Variants in RNF121 observed in about 807,000 individuals in gnomAD.
The protein encoded by RNF121 is E3 ubiquitin ligase RNF121.
A neutral mutation model predicts 46.5 loss-of-function variants in RNF121; 21 were observed. The ratio of observed to expected loss-of-function variants is 0.45; its 90% CI spans 0.32 to 0.65. The LOEUF (loss-of-function observed/expected upper bound fraction) is 0.65. Ranked by LOEUF, RNF121 falls within the 30% of genes least tolerant of loss-of-function variation. The pLI is 0.04. For missense variants in RNF121, 346 were observed against 416.0 expected (o/e 0.83, Z 1.46); for synonymous variants, 139 against 144.7 (o/e 0.96, Z 0.28).
intron 3 of RNF121, among the ~76,000 whole-genome samples, chr11:71,970,597 C>T (rs3887002): frequency 0.016 from 2,454 of 151,834 alleles, 69 homozygotes; most frequent in African/African-American, 0.056. Context: ...AGGAGTTTAA[C>T]GCTTCAGTAA....
chr11:71,959,824 C>T (rs542384325), intron 2 of RNF121, among the ~76,000 whole-genome samples: 3 of 152,090 alleles, frequency 2.0e-5, no homozygotes, highest in East Asian at 1.9e-4. Context: ...TTAGTAGAGA[C>T]GGGGTTTCGC....
intron 1 of RNF121, 79 bp from the exon 2 acceptor site, chr11:71,957,148 G>A: frequency 2.2e-6 from 2 of 912,460 alleles, no homozygotes; most frequent in Admixed American, 1.7e-5. Flanking sequence ...TGAAGATACT[G>A]ATAAATGTGT....
At chr11:71,996,088 C>A in intron 8 of RNF121, 107 bp from the exon 9 acceptor site, 1 of 1,370,688 alleles carries the variant, frequency 7.3e-7, no homozygotes, top group Non-Finnish European at 1.0e-6. Context: ...TTCCTCTAGG[C>A]TGTGGAGCAG....
At chr11:71,935,098 T>C (rs1209271374) in intron 1 of RNF121, among the ~76,000 whole-genome samples, 1 of 152,042 alleles carries the variant, frequency 6.6e-6, no homozygotes, top group Non-Finnish European at 1.5e-5. Flanking sequence ...TGCACCACCA[T>C]GCCTGGCTAA....
At chr11:71,936,654 A>G (rs1565138117) in intron 1 of RNF121, among the ~76,000 whole-genome samples, 1 of 152,100 alleles carries the variant, frequency 6.6e-6, no homozygotes, top group Non-Finnish European at 1.5e-5. Flanking sequence ...TCGGCCTCCC[A>G]AAGTGCTGAG....
At chr11:71,995,691 G>A in intron 8 of RNF121, 140 bp downstream of exon 8, 1 of 673,442 alleles carries the variant, frequency 1.5e-6, no homozygotes. Context: ...AAGCTGAGCT[G>A]CTAGTCCTGC....
intron 1 of RNF121, among the ~76,000 whole-genome samples, chr11:71,940,818 C>T (rs1953550970): frequency 6.6e-6 from 1 of 152,140 alleles, no homozygotes; most frequent in Non-Finnish European, 1.5e-5. Context: ...AACTCTGCTT[C>T]GGGAATCCTT....
intron 1 of RNF121, 27 bp from the exon 2 acceptor site, chr11:71,957,200 G>T (rs1254551604): frequency 6.5e-7 from 1 of 1,529,710 alleles, no homozygotes; most frequent in East Asian, 2.2e-5. Flanking sequence ...GACAGTAACG[G>T]ATTTTTCTGG....
chr11:71,950,062 CAA>C (rs554635307), intron 1 of RNF121, among the ~76,000 whole-genome samples: 2 of 151,672 alleles, frequency 1.3e-5, no homozygotes, highest in South Asian at 2.1e-4. Flanking sequence ...CAAAAACAAA[CAA>C]AAAATATAAA....
chr11:71,978,202 A>G (rs1954572155), intron 3 of RNF121: 9 of 452,144 alleles, frequency 2.0e-5, no homozygotes, highest in Non-Finnish European at 4.0e-5. Flanking sequence ...TGCCCGGCCT[A>G]CAGTAGAAAT....
intron 3 of RNF121, among the ~76,000 whole-genome samples, chr11:71,962,963 TGATG>T: frequency 6.6e-6 from 1 of 152,358 alleles, no homozygotes; most frequent in Non-Finnish European, 1.5e-5. Context: ...TAATGACTAA[TGATG>T]TTGGGCATCT....
intron 6 of RNF121, among the ~76,000 whole-genome samples, chr11:71,993,320 A>G (rs1429633769): frequency 1.3e-5 from 2 of 152,206 alleles, no homozygotes; most frequent in Non-Finnish European, 2.9e-5. Flanking sequence ...TCTAATTCCA[A>G]AATTTTTCTT....
At chr11:71,949,379 C>G (rs903335484) in intron 1 of RNF121, among the ~76,000 whole-genome samples, 2 of 152,088 alleles carry the variant, frequency 1.3e-5, no homozygotes, top group African/African-American at 4.8e-5. Context: ...GATTGCACTA[C>G]GGCACTCCAG....
chr11:71,961,082 G>C (rs1417087083), intron 3 of RNF121, among the ~76,000 whole-genome samples, 191 bp downstream of exon 3: 1 of 152,116 alleles, frequency 6.6e-6, no homozygotes, highest in Non-Finnish European at 1.5e-5. Flanking sequence ...AGGGTGAAAA[G>C]GATAGAACAT....
intron 3 of RNF121, among the ~76,000 whole-genome samples, chr11:71,981,502 A>G (rs530435695): frequency 9.2e-5 from 14 of 152,090 alleles, no homozygotes; most frequent in Non-Finnish European, 1.8e-4. Flanking sequence ...ATTATTTGCT[A>G]TCTTTTTTTA....
intron 3 of RNF121, among the ~76,000 whole-genome samples, chr11:71,977,495 T>C (rs1290434677): frequency 6.6e-6 from 1 of 152,240 alleles, no homozygotes; most frequent in Non-Finnish European, 1.5e-5. Context: ...TAGCTCTTAC[T>C]GTTAGCATCT....
chr11:71,940,080 G>A (rs1296111174), intron 1 of RNF121, among the ~76,000 whole-genome samples: 1 of 152,176 alleles, frequency 6.6e-6, no homozygotes, highest in Admixed American at 6.5e-5. Flanking sequence ...GGCCACTTTA[G>A]GCCAAGGTAA....
intron 1 of RNF121, among the ~76,000 whole-genome samples, chr11:71,938,166 T>G (rs1306082217): frequency 6.6e-6 from 1 of 152,168 alleles, no homozygotes; most frequent in Non-Finnish European, 1.5e-5. Flanking sequence ...CTGTTGCCCA[T>G]AGGATTGAGC....
intron 4 of RNF121, among the ~76,000 whole-genome samples, chr11:71,986,564 G>T (rs1590812286): frequency 2.0e-5 from 3 of 151,818 alleles, no homozygotes; most frequent in Admixed American, 1.3e-4. Context: ...TCAGGAATTC[G>T]AGACCAGCCT....
Sources: gnomAD v4.1 joint callset for allele counts (sites outside exome capture counted in the v4.1 genomes callset) on GRCh38, gnomAD v4.1.1 for gene constraint, MANE v1.5 for transcripts, NCBI Gene and HGNC (gene_info 2026-07-23, HGNC 2026-07-21) for gene names.